The following CSMD1 variants were observed in gnomAD, a reference collection of about 807,000 sequenced individuals.
CSMD1 encodes the protein CUB and Sushi multiple domains 1.
A neutral mutation model predicts 417.5 loss-of-function variants in CSMD1; 213 were observed. That is an observed-to-expected ratio of 0.51 (90% CI 0.46 to 0.57). CSMD1 has a LOEUF of 0.57. Among genes scored for constraint, CSMD1 ranks in the 20% least tolerant of loss-of-function variants. The pLI, the probability that CSMD1 is intolerant of heterozygous loss-of-function variation, is 0.00. For missense variants in CSMD1, 6,923 were observed against 4,529.7 expected (o/e 1.53, Z -15.17); for synonymous variants, 2,862 against 1,736.8 (o/e 1.65, Z -16.11).
At chr8:4,413,528 T>A (rs185176535) in intron 3 of CSMD1, among the ~76,000 whole-genome samples, 1 of 152,170 alleles carries the variant, frequency 6.6e-6, no homozygotes, top group African/African-American at 2.4e-5. Flanking sequence ...AAAATGTTAG[T>A]GTTCATGTAC....
chr8:3,811,690 A>T (rs909587343), intron 5 of CSMD1, among the ~76,000 whole-genome samples: 1 of 152,036 alleles, frequency 6.6e-6, no homozygotes, highest in Non-Finnish European at 1.5e-5. Flanking sequence ...TACTAGATGG[A>T]TGTTTGTTTT....
At chr8:4,069,922 G>A (rs533791076) in intron 3 of CSMD1, among the ~76,000 whole-genome samples, 20 of 152,068 alleles carry the variant, frequency 1.3e-4, no homozygotes, top group African/African-American at 4.6e-4. Flanking sequence ...TTACCACTTT[G>A]TATAAAATTG....
chr8:4,524,227 G>A (rs1162669072), intron 2 of CSMD1, among the ~76,000 whole-genome samples: 1 of 151,016 alleles, frequency 6.6e-6, no homozygotes, highest in Non-Finnish European at 1.5e-5. Context: ...AAACATTGAA[G>A]TGTATAAAGA....
At chr8:4,340,736 A>C (rs183343383) in intron 3 of CSMD1, among the ~76,000 whole-genome samples, 1 of 152,154 alleles carries the variant, frequency 6.6e-6, no homozygotes, top group East Asian at 1.9e-4. Flanking sequence ...CAAACTGAAA[A>C]TTTATTTTCA....
chr8:4,653,617 T>G (rs1804046026), intron 1 of CSMD1, among the ~76,000 whole-genome samples: 1 of 152,112 alleles, frequency 6.6e-6, no homozygotes, highest in South Asian at 2.1e-4. Flanking sequence ...TAACCACCAG[T>G]GACAGAGAGT....
At chr8:3,922,132 T>A (rs1227841100) in intron 5 of CSMD1, among the ~76,000 whole-genome samples, 1 of 92,064 alleles carries the variant, frequency 1.1e-5, no homozygotes, top group East Asian at 5.5e-4. Flanking sequence ...ATTATGACAT[T>A]CTTTCTTTCA....
intron 1 of CSMD1, among the ~76,000 whole-genome samples, chr8:4,956,891 C>T (rs946516369): frequency 6.6e-6 from 1 of 152,152 alleles, no homozygotes; most frequent in South Asian, 2.1e-4. Flanking sequence ...GCGGCAATCC[C>T]CAACCAGGCG....
intron 6 of CSMD1, among the ~76,000 whole-genome samples, chr8:3,736,709 A>T (rs926279954): frequency 6.6e-6 from 1 of 152,154 alleles, no homozygotes; most frequent in African/African-American, 2.4e-5. Flanking sequence ...ATAAGGACAC[A>T]CCTGCTTCAC....
Position 2,937,575 on chromosome 8 carries a change from CCTG to C in CSMD1, c.*1007_*1009del, listed in dbSNP as rs1801576281. 1 of 152,216 alleles carries C rather than the reference CCTG, an allele frequency of 6.6e-6. No individual in the cohort carries two copies. Among genetic ancestry groups the C allele is most frequent in the South Asian group, 2.1e-4 (1 of 4,822 alleles). The allele number at this position is 152,216 out of a possible 1,614,324, so 9.4% of individuals were successfully genotyped here. ...GGCAAACAGAAATTTCTGCAAACCCCCTGCTATTAAGTAGTATCAGAGAGACAG... is the reference window on the plus strand; with the variant it reads ...GGCAAACAGAAATTTCTGCAAACCCCCTATTAAGTAGTATCAGAGAGACAG... On this transcript the variant is annotated 3_prime_UTR_variant, in exon 70 of 70. Transcript: ENST00000635120.
intron 3 of CSMD1, among the ~76,000 whole-genome samples, chr8:4,308,285 G>A (rs1042002232): frequency 6.6e-6 from 1 of 151,970 alleles, no homozygotes; most frequent in East Asian, 1.9e-4. Context: ...ATAGTTGATG[G>A]TGTGTGTGAA....
Position 3,187,965 on chromosome 8 carries a change from T to C in CSMD1, c.5524A>G (p.Ile1842Val), listed in dbSNP as rs771654908. Residue 1842 changes from isoleucine (I) to valine (V), a missense_variant and splice_region_variant, in exon 36 of 70, where the codon ATC becomes GTC. Transcript: ENST00000635120. ...IIVTEGSGIQ[I>V]QVISFATEQN... Reference sequence around the variant, plus strand: ...TCCGTGGCAAAACTGATCACTTGGATCTACCAAACCATGACATTAAGTTAA... The same window carrying C: ...TCCGTGGCAAAACTGATCACTTGGACCTACCAAACCATGACATTAAGTTAA... 4 of 1,612,004 alleles carry C rather than the reference T, an allele frequency of 2.5e-6. No individual in the cohort carries two copies. Among genetic ancestry groups the C allele is most frequent in the Non-Finnish European group, 3.4e-6 (4 of 1,179,042 alleles).
intron 3 of CSMD1, among the ~76,000 whole-genome samples, chr8:4,245,502 G>A (rs775556690): frequency 1.3e-5 from 2 of 152,096 alleles, no homozygotes; most frequent in African/African-American, 4.8e-5. Context: ...AGAGCCTAAG[G>A]TTGGATGTTT....
rs372298607 is a variant in CSMD1 at position 3,772,045 on chromosome 8, C to T, written c.819-18003G>A. 3.3e-4 allele frequency among the ~76,000 whole-genome samples: 50 copies of T among 151,738 alleles called. 2 individuals are homozygous for T. Among genetic ancestry groups the T allele is most frequent in the South Asian group, 1.5e-3 (7 of 4,808 alleles). Reference sequence around the variant, plus strand: ...TGGATCTAAAGAGGAGCTTCTAGTGCGAGCATCTGAGTCTGCCATTATGCT... The same window carrying T: ...TGGATCTAAAGAGGAGCTTCTAGTGTGAGCATCTGAGTCTGCCATTATGCT... On this transcript the variant is annotated intron_variant, in intron 5 of 69. Transcript: ENST00000635120.
intron 3 of CSMD1, among the ~76,000 whole-genome samples, chr8:4,234,546 T>C (rs1249627927): frequency 6.6e-6 from 1 of 152,228 alleles, no homozygotes; most frequent in Non-Finnish European, 1.5e-5. Context: ...TATCCCATCT[T>C]TTGGCCGTTC....
At chr8:4,016,361 C>G (rs1020358257) in intron 4 of CSMD1, among the ~76,000 whole-genome samples, 1 of 152,124 alleles carries the variant, frequency 6.6e-6, no homozygotes, top group East Asian at 1.9e-4. Context: ...GCAATCTCCT[C>G]TTGCCTGAAT....
intron 1 of CSMD1, among the ~76,000 whole-genome samples, chr8:4,929,880 C>T (rs1807131071): frequency 6.6e-6 from 1 of 152,190 alleles, no homozygotes; most frequent in Non-Finnish European, 1.5e-5. Context: ...CTTGGCACCA[C>T]AGAATCAGTA....
At chr8:4,278,175 T>C (rs985370486) in intron 3 of CSMD1, among the ~76,000 whole-genome samples, 3 of 152,214 alleles carry the variant, frequency 2.0e-5, no homozygotes, top group Non-Finnish European at 2.9e-5. Context: ...TCAGACTACA[T>C]TCACAATTTA....
chr8:4,442,047 A>T (rs577555630), intron 2 of CSMD1, among the ~76,000 whole-genome samples: 29 of 152,276 alleles, frequency 1.9e-4, no homozygotes, highest in African/African-American at 6.5e-4. Context: ...GAGGTCTGGA[A>T]ACCCATTTTG....
chr8:4,562,268 G>A (rs529280315), intron 2 of CSMD1, among the ~76,000 whole-genome samples: 3 of 152,258 alleles, frequency 2.0e-5, no homozygotes, highest in South Asian at 2.1e-4. Context: ...GCATCATTAC[G>A]CGAGCAGAGA....
Sources: gnomAD v4.1 joint callset for allele counts (sites outside exome capture counted in the v4.1 genomes callset) on GRCh38, gnomAD v4.1.1 for gene constraint, MANE v1.5 for transcripts, NCBI Gene and HGNC (gene_info 2026-07-23, HGNC 2026-07-21) for gene names.